The following RIN2 variants were observed in gnomAD, a reference collection of about 807,000 sequenced individuals.
The protein encoded by RIN2 is Ras and Rab interactor 2.
Under a neutral mutation model 78.0 loss-of-function variants are expected in RIN2, and 36 were observed. The ratio of observed to expected loss-of-function variants is 0.46; its 90% CI spans 0.35 to 0.61. The LOEUF (loss-of-function observed/expected upper bound fraction) is 0.61. Among genes scored for constraint, RIN2 ranks in the 20% least tolerant of loss-of-function variants. The pLI is 0.00. For missense variants in RIN2, 1,087 were observed against 1,159.7 expected, an observed-to-expected ratio of 0.94 and a Z score of 0.91; for synonymous variants, 466 against 466.8, an observed-to-expected ratio of 1.00 and a Z score of 0.02.
chr20:19,990,565 T>C (rs2042767940), intron 10 of RIN2, among the ~76,000 whole-genome samples: 1 of 152,158 alleles, frequency 6.6e-6, no homozygotes, highest in Non-Finnish European at 1.5e-5. Context: ...GTTCAGAGTA[T>C]GGTTACAAAT....
At chr20:19,886,673 T>C in intron 2 of RIN2, 1 of 1,500,616 alleles carries the variant, frequency 6.7e-7, no homozygotes, top group Non-Finnish European at 9.1e-7. Flanking sequence ...ACTGGACATG[T>C]TGGACTCATT....
chr20:19,821,918 A>G (rs1023624788), intron 2 of RIN2, among the ~76,000 whole-genome samples: 4 of 152,198 alleles, frequency 2.6e-5, no homozygotes, highest in African/African-American at 7.2e-5. Context: ...ATGTTCAGTC[A>G]TGTTTGTTAA....
intron 4 of RIN2, among the ~76,000 whole-genome samples, chr20:19,944,602 A>G (rs6035482): frequency 0.11 from 16,190 of 152,192 alleles, 991 homozygotes; most frequent in East Asian, 0.28. Context: ...CTGGAAAAAG[A>G]TTTTAGTCTG....
intron 3 of RIN2, among the ~76,000 whole-genome samples, chr20:19,893,749 G>A (rs1173538098): frequency 1.6e-4 from 25 of 152,124 alleles, no homozygotes; most frequent in Admixed American, 1.6e-3. Context: ...ACAACCATCT[G>A]GGAAAAGTGG....
chr20:19,861,613 GATGATCACCCTCCATATCTA>G (rs1193302570), intron 2 of RIN2, among the ~76,000 whole-genome samples: 33 of 148,326 alleles, frequency 2.2e-4, no homozygotes, highest in African/African-American at 8.0e-4. Context: ...CTCCATATCT[GATGATCACCCTCCATATCTA>G]ATGATCACCC....
At chr20:19,862,648 T>C (rs912455625) in intron 2 of RIN2, among the ~76,000 whole-genome samples, 1 of 152,104 alleles carries the variant, frequency 6.6e-6, no homozygotes, top group Non-Finnish European at 1.5e-5. Flanking sequence ...GAACTCAATC[T>C]CTCTCCTCAA....
intron 12 of RIN2, among the ~76,000 whole-genome samples, chr20:19,997,291 G>A (rs1333726475): frequency 6.6e-6 from 1 of 152,226 alleles, no homozygotes; most frequent in Non-Finnish European, 1.5e-5. Context: ...CTCAGCAGCA[G>A]CAGCAACAGC....
chr20:19,923,851 C>T (rs1453500881), intron 3 of RIN2, among the ~76,000 whole-genome samples: 1 of 151,842 alleles, frequency 6.6e-6, no homozygotes. Flanking sequence ...ATAGAACATC[C>T]CGATTTTGAC....
In RIN2 at chr20:19,909,088, T is replaced by C. The variant is rs1229407595; in HGVS notation, c.57+19430T>C. 2.0e-5 allele frequency among the ~76,000 whole-genome samples: 3 copies of C among 152,154 alleles called. No individual in the cohort carries two copies. In the East Asian group the frequency reaches 5.8e-4, roughly 29 times the overall value. On this transcript the variant is annotated intron_variant, in intron 3 of 12. Coordinates refer to ENST00000255006, the MANE Select transcript of RIN2 (RefSeq NM_018993.4). The stretch of plus-strand genomic sequence containing the variant: ...CATGTTGGCCAGGCTGGTCTCAAAC[T>C]CCTGACGTCAGGTGATCCACCCACC...
intron 4 of RIN2, among the ~76,000 whole-genome samples, chr20:19,942,352 C>A (rs950890477): frequency 1.3e-5 from 2 of 152,038 alleles, no homozygotes; most frequent in Non-Finnish European, 2.9e-5. Flanking sequence ...ATTTCATTAA[C>A]GAATAAGAAG....
In RIN2 at chr20:19,832,782, C is replaced by T. The variant is rs373654491; in HGVS notation, c.-37+33035C>T. 5.3e-5 allele frequency among the ~76,000 whole-genome samples: 8 copies of T among 152,094 alleles called. No individual in the cohort carries two copies. In the East Asian group the frequency reaches 1.2e-3, roughly 22 times the overall value. On this transcript the variant is annotated intron_variant, in intron 2 of 12. Transcript: ENST00000255006. The stretch of plus-strand genomic sequence containing the variant: ...CTTCTGGAGGGGACGAATGCTCTGT[C>T]CTCATGCAGCAGAAGGGACAGAAAG...
At chr20:19,919,772 C>T (rs1246390035) in intron 3 of RIN2, among the ~76,000 whole-genome samples, 2 of 152,152 alleles carry the variant, frequency 1.3e-5, no homozygotes, top group Non-Finnish European at 2.9e-5. Flanking sequence ...TGCCACTGCA[C>T]TCCAGCCTGG....
chr20:19,858,305 C>G (rs979345088), intron 2 of RIN2, among the ~76,000 whole-genome samples: 3 of 152,058 alleles, frequency 2.0e-5, no homozygotes, highest in African/African-American at 7.2e-5. Context: ...GGAAGGGTGA[C>G]AGAGTTAAAT....
intron 5 of RIN2, among the ~76,000 whole-genome samples, chr20:19,958,047 A>G (rs1407760829): frequency 2.0e-5 from 3 of 152,256 alleles, no homozygotes; most frequent in Admixed American, 6.5e-5. Context: ...GAGGAATGTC[A>G]TAAGAATTGG....
chr20:19,868,072 C>G (rs1268923214), intron 2 of RIN2, among the ~76,000 whole-genome samples: 1 of 152,212 alleles, frequency 6.6e-6, no homozygotes, highest in Non-Finnish European at 1.5e-5. Flanking sequence ...GAACTGACAC[C>G]AAGCCAGGCC....
chr20:19,786,118 C>T (rs1600450971), intron 1 of RIN2, among the ~76,000 whole-genome samples: 1 of 152,166 alleles, frequency 6.6e-6, no homozygotes, highest in East Asian at 1.9e-4. Flanking sequence ...TCACCCATCC[C>T]ACACCTTCTC....
At chr20:19,821,249 T>G (rs1445436467) in intron 2 of RIN2, among the ~76,000 whole-genome samples, 2 of 152,178 alleles carry the variant, frequency 1.3e-5, no homozygotes, top group African/African-American at 2.4e-5. Flanking sequence ...ACTATTTTAT[T>G]TTTCTCCCAC....
intron 2 of RIN2, among the ~76,000 whole-genome samples, chr20:19,847,157 A>G (rs1204734958): frequency 6.6e-6 from 1 of 152,212 alleles, no homozygotes; most frequent in African/African-American, 2.4e-5. Flanking sequence ...GAGTTGCTGA[A>G]GATCCTCTTG....
At chr20:19,936,413 G>A (rs1220490740) in intron 4 of RIN2, among the ~76,000 whole-genome samples, 1 of 56,842 alleles carries the variant, frequency 1.8e-5, no homozygotes, top group African/African-American at 3.4e-5. Context: ...TTTAGCCAGG[G>A]AATTTCTCTA....
Sources: gnomAD v4.1 joint callset for allele counts (sites outside exome capture counted in the v4.1 genomes callset) on GRCh38, gnomAD v4.1.1 for gene constraint, MANE v1.5 for transcripts, NCBI Gene and HGNC (gene_info 2026-07-23, HGNC 2026-07-21) for gene names.